Variants in CPNE2 observed in about 807,000 individuals in gnomAD.
The protein encoded by CPNE2 is copine-2.
A neutral mutation model predicts 69.7 loss-of-function variants in CPNE2; 42 were observed. The observed-to-expected ratio is 0.60, with a 90% CI of 0.47 to 0.78. The LOEUF is 0.78. Among genes scored for constraint, CPNE2 ranks in the 30% least tolerant of loss-of-function variants. The probability of loss-of-function intolerance (pLI) is 0.00; values close to 1 mark genes in which losing one functional copy is unlikely to be tolerated. For synonymous variants in CPNE2, 294 were observed against 289.8 expected, an observed-to-expected ratio of 1.01 and a Z score of -0.15; for missense variants, 587 against 732.0, an observed-to-expected ratio of 0.80 and a Z score of 2.29.
rs1287731477 is a variant in CPNE2, at chr16:57,146,309, A to G, written c.1527A>G (p.Arg509=). Residue 509 remains arginine, a synonymous_variant, in exon 15 of 16, where the codon CGA becomes CGG. Coordinates refer to ENST00000290776, the MANE Select transcript of CPNE2 (RefSeq NM_152727.6). The surrounding 1 kb of genome is among the most constrained non-coding windows in gnomAD (Gnocchi z 4.4). The part of the protein sequence containing the change: ...ARDIVQFVPF[R]EFRNAAKETL... ...ATATTGTGCAGTTCGTTCCCTTTCG[A>G]GAGTTCCGCAACGTGAGTGTGGGCC... 1 of 1,551,208 alleles carries G rather than the reference A, an allele frequency of 6.4e-7. No homozygotes were observed. Among genetic ancestry groups the G allele is most frequent in the Admixed American group, 1.9e-5 (1 of 51,318 alleles).
At chr16:57,132,945 G>A (rs2069848944) in intron 12 of CPNE2, among the ~76,000 whole-genome samples, 1 of 152,142 alleles carries the variant, frequency 6.6e-6, no homozygotes, top group South Asian at 2.1e-4. Flanking sequence ...GAAGAGTGGG[G>A]ATGAAGAGCG....
Position 57,135,565 on chromosome 16 carries a change from G to C in CPNE2, c.1168+739G>C, listed in dbSNP as rs145234980. Reference sequence around the variant, plus strand: ...GCCTGTGGTCCCAGCTACTCAGGAAGCTGAGGTGGGAGGAAAGAAAGAGAG... The same window carrying C: ...GCCTGTGGTCCCAGCTACTCAGGAACCTGAGGTGGGAGGAAAGAAAGAGAG... On this transcript the variant is annotated intron_variant, in intron 13 of 15. Coordinates refer to ENST00000290776, the MANE Select transcript of CPNE2 (RefSeq NM_152727.6). Among the ~76,000 whole-genome samples the C allele has an allele frequency of 3.0e-3, 462 of 152,166 alleles. 2 individuals are homozygous for C. The highest frequency in any genetic ancestry group is 0.01 in the African/African-American group (430 of 41,510).
rs940169060 is a variant in CPNE2 at position 57,130,944 on chromosome 16, G to A, written c.1116+3041G>A. ...GGTTGTGGGTAGTCCTGGGGCAGGA[G>A]GCGGGGGCTCCTCATAGAACCACGG... On this transcript the variant is annotated intron_variant, in intron 12 of 15. Coordinates refer to ENST00000290776, the MANE Select transcript of CPNE2 (RefSeq NM_152727.6). This position sits in a 1 kb window ranked among gnomAD's most constrained non-coding sequence, Gnocchi z 4.1. Among the ~76,000 whole-genome samples the A allele has an allele frequency of 6.6e-6, 1 of 152,240 alleles. No individual in the cohort carries two copies.
At chr16:57,128,457 C>T (rs1219053860) in intron 12 of CPNE2, among the ~76,000 whole-genome samples, 2 of 152,176 alleles carry the variant, frequency 1.3e-5, no homozygotes, top group African/African-American at 2.4e-5. Context: ...AAACTCCTGA[C>T]CTCAGGTGAT....
At chr16:57,119,109 C>A in intron 5 of CPNE2, 86 bp from the exon 6 acceptor site, 1 of 1,189,888 alleles carries the variant, frequency 8.4e-7, no homozygotes, top group African/African-American at 1.5e-5. Flanking sequence ...TGACACCCGG[C>A]TGGGGAGGCA....
At chr16:57,137,415 T>G in intron 14 of CPNE2, 133 bp downstream of exon 14, 2 of 1,208,694 alleles carry the variant, frequency 1.7e-6, no homozygotes, top group Non-Finnish European at 2.3e-6. Flanking sequence ...CTTCACGTAT[T>G]GTAAAAGTTG....
chr16:57,107,626 T>A (rs1168137517), intron 1 of CPNE2, among the ~76,000 whole-genome samples: 1 of 152,216 alleles, frequency 6.6e-6, no homozygotes, highest in Non-Finnish European at 1.5e-5. Context: ...CTGGTCTCTC[T>A]GCTACTTCTC....
intron 5 of CPNE2, among the ~76,000 whole-genome samples, chr16:57,118,572 C>T (rs1250687664): frequency 2.6e-5 from 4 of 151,822 alleles, no homozygotes; most frequent in African/African-American, 9.7e-5. Context: ...ATCCCAGCTA[C>T]TTGGGAAGCT....
Position 57,146,399 on chromosome 16 carries a change from T to G in CPNE2, c.1539+78T>G. On this transcript the variant is annotated intron_variant, in intron 15 of 15. Coordinates refer to ENST00000290776, the MANE Select transcript of CPNE2 (RefSeq NM_152727.6). This position sits in a 1 kb window ranked among gnomAD's most constrained non-coding sequence, Gnocchi z 4.4. ...AGCTCATAATCAAGCTTGAGAGTCT[T>G]GGGGTTGTCTGGCCCAATCCTAGAC... 1 of 1,250,188 alleles carries G rather than the reference T, an allele frequency of 8.0e-7. No homozygotes were observed. The highest frequency in any genetic ancestry group is 1.1e-6 in the Non-Finnish European group (1 of 897,482). The allele number at this position is 1,250,188 out of a possible 1,614,324, so 77.4% of individuals were successfully genotyped here.
intron 13 of CPNE2, among the ~76,000 whole-genome samples, chr16:57,136,152 G>A (rs2069879288): frequency 6.6e-6 from 1 of 152,070 alleles, no homozygotes; most frequent in Admixed American, 6.5e-5. Flanking sequence ...TATGGAAGAG[G>A]GCTGTTTCTA....
chr16:57,147,592 G>A lies in CPNE2; in HGVS notation c.1581G>A (p.Leu527=), dbSNP rs2069968529. 2 of 1,609,648 alleles carry A rather than the reference G, an allele frequency of 1.2e-6. No individual in the cohort carries two copies. Among genetic ancestry groups the A allele is most frequent in the African/African-American group, 1.3e-5 (1 of 74,868 alleles). Residue 527 remains leucine, a synonymous_variant, in exon 16 of 16, where the codon CTG becomes CTA. Transcript: ENST00000290776. ...ETLAKAVLAE[L]PQQVVQYFKH... ...TGGCCAAAGCTGTGCTGGCGGAGCTGCCCCAACAAGTTGTGCAGTATTTCA... is the reference window on the plus strand; with the variant it reads ...TGGCCAAAGCTGTGCTGGCGGAGCTACCCCAACAAGTTGTGCAGTATTTCA...
intron 9 of CPNE2, among the ~76,000 whole-genome samples, chr16:57,122,665 T>A (rs768164136): frequency 3.9e-5 from 6 of 152,220 alleles, no homozygotes; most frequent in Non-Finnish European, 8.8e-5. Context: ...TGATCTCAGC[T>A]CACTGCAACC....
chr16:57,112,402 C>T (rs1417741143), intron 2 of CPNE2, among the ~76,000 whole-genome samples: 4 of 152,082 alleles, frequency 2.6e-5, no homozygotes, highest in Non-Finnish European at 4.4e-5. Context: ...CCCCCTGACT[C>T]ATAGCACAAT....
chr16:57,110,990 C>G, intron 2 of CPNE2, 68 bp downstream of exon 2: 1 of 1,458,756 alleles, frequency 6.9e-7, no homozygotes, highest in Non-Finnish European at 9.3e-7. Context: ...GGGAGTCTCC[C>G]AGGACTGGGA....
chr16:57,093,231 C>T (rs1315317157), intron 1 of CPNE2, among the ~76,000 whole-genome samples: 5 of 152,014 alleles, frequency 3.3e-5, no homozygotes, highest in African/African-American at 7.2e-5. Context: ...CCCTCAACAC[C>T]CACCCCCTGC....
intron 8 of CPNE2, 112 bp from the exon 9 acceptor site, chr16:57,121,562 G>T: frequency 9.6e-7 from 1 of 1,042,942 alleles, no homozygotes; most frequent in Non-Finnish European, 1.5e-6. Flanking sequence ...CTCCCTGGAG[G>T]AAGCATGCTG....
At chr16:57,120,349 T>C (rs1597497368) in intron 7 of CPNE2, among the ~76,000 whole-genome samples, 1 of 148,170 alleles carries the variant, frequency 6.7e-6, no homozygotes, top group Non-Finnish European at 1.5e-5. Context: ...CCAAGGTGGG[T>C]GGATCACGAT....
intron 3 of CPNE2, among the ~76,000 whole-genome samples, chr16:57,114,779 G>C (rs1350703707): frequency 4.0e-5 from 6 of 148,236 alleles, no homozygotes; most frequent in Middle Eastern, 3.4e-3. Context: ...CTGTGTAAGT[G>C]TATTACCTAT....
chr16:57,132,761 C>T (rs755384958), intron 12 of CPNE2, among the ~76,000 whole-genome samples: 1 of 152,258 alleles, frequency 6.6e-6, no homozygotes, highest in African/African-American at 2.4e-5. Flanking sequence ...GGACACTTGT[C>T]CCCAGGCCCC....
Sources: gnomAD v4.1 joint callset for allele counts (sites outside exome capture counted in the v4.1 genomes callset) on GRCh38, gnomAD v4.1.1 for gene constraint, Gnocchi (gnomAD v3.1) non-coding constraint, MANE v1.5 for transcripts, NCBI Gene and HGNC (gene_info 2026-07-23, HGNC 2026-07-21) for gene names.